UGT1A9: variants seen among roughly 807,000 people sequenced by gnomAD.
The protein encoded by UGT1A9 is UDP-glucuronosyltransferase 1A9.
In UGT1A9, 35 loss-of-function variants were observed where a neutral mutation model predicts 45.0. The observed-to-expected ratio is 0.78, with a 90% CI of 0.59 to 1.03. UGT1A9 has a LOEUF of 1.03. Ranked by LOEUF, UGT1A9 falls within the 50% of genes least tolerant of loss-of-function variation. UGT1A9 has a pLI of 0.00. For synonymous variants in UGT1A9, 278 were observed against 250.6 expected, an observed-to-expected ratio of 1.11 and a Z score of -1.03; for missense variants, 687 against 666.6, an observed-to-expected ratio of 1.03 and a Z score of -0.34.
intron 1 of UGT1A9, among the ~76,000 whole-genome samples, chr2:233,674,071 G>C (rs1203148225): frequency 6.6e-6 from 1 of 152,124 alleles, no homozygotes; most frequent in Non-Finnish European, 1.5e-5. Flanking sequence ...AACACCTAAT[G>C]TCTAATCTCA....
At chr2:233,756,295 G>A (rs1165667347) in intron 1 of UGT1A9, 3 of 152,134 alleles carry the variant, frequency 2.0e-5, no homozygotes, top group East Asian at 3.8e-4. Flanking sequence ...CACAGTATTT[G>A]TATATAACCT....
At chr2:233,711,626 G>A (rs1104892) in intron 1 of UGT1A9, among the ~76,000 whole-genome samples, 87,037 of 152,060 alleles carry the variant, frequency 0.57, 26,823 homozygotes, top group African/African-American at 0.81. Context: ...AGCTCCATTC[G>A]CTGCCTGTCC....
intron 4 of UGT1A9, among the ~76,000 whole-genome samples, chr2:233,771,893 A>G (rs546838054): frequency 6.6e-6 from 1 of 150,952 alleles, no homozygotes; most frequent in Admixed American, 6.6e-5. Flanking sequence ...TCTTAATTAT[A>G]ACCTTTCAGG....
chr2:233,728,342 G>A (rs1241528398), intron 1 of UGT1A9, among the ~76,000 whole-genome samples: 1 of 152,172 alleles, frequency 6.6e-6, no homozygotes, highest in Non-Finnish European at 1.5e-5. Flanking sequence ...CCAGTCCCTT[G>A]GTGAGCAGGA....
intron 1 of UGT1A9, chr2:233,712,908 G>A: frequency 2.5e-6 from 4 of 1,610,644 alleles, no homozygotes; most frequent in Non-Finnish European, 3.4e-6. Flanking sequence ...AGGTGTCTCA[G>A]TGACAAGGTA....
chr2:233,739,790 G>A (rs1360143620), intron 1 of UGT1A9, among the ~76,000 whole-genome samples: 4 of 152,122 alleles, frequency 2.6e-5, no homozygotes, highest in Admixed American at 2.6e-4. Context: ...GACTTTGGAG[G>A]ACAGTTGGGA....
chr2:233,710,781 C>T (rs964572704), intron 1 of UGT1A9, among the ~76,000 whole-genome samples: 1 of 152,148 alleles, frequency 6.6e-6, no homozygotes, highest in Non-Finnish European at 1.5e-5. Flanking sequence ...TTTTAGCAAA[C>T]GTTTTGTGTT....
In UGT1A9 at chr2:233,672,311, GT is replaced by G; in HGVS notation, c.380del (p.Leu127CysfsTer7). ...IFDLFFSNCR[S>X]LFKDKKLVEY... is the part of the protein sequence containing the mutation. The stretch of plus-strand genomic sequence containing the variant: ...GACTTATTTTTTTCAAATTGCAGGA[GT>G]TTGTTTAAAGACAAAAAATTAGTAG... On this transcript the variant is annotated frameshift_variant, in exon 1 of 5. Coordinates refer to ENST00000354728, the MANE Select transcript of UGT1A9 (RefSeq NM_021027.3). LOFTEE classifies it high-confidence loss of function. The G allele has an allele frequency of 1.2e-6, 2 of 1,614,048 alleles. No individual in the cohort carries two copies. Among genetic ancestry groups the G allele is most frequent in the East Asian group, 4.5e-5 (2 of 44,892 alleles).
chr2:233,710,161 T>C (rs2076115073), intron 1 of UGT1A9, among the ~76,000 whole-genome samples: 1 of 152,264 alleles, frequency 6.6e-6, no homozygotes, highest in Non-Finnish European at 1.5e-5. Flanking sequence ...CATTTGCTTA[T>C]GCATTTATTT....
chr2:233,771,755 C>T (rs1253888254), intron 4 of UGT1A9: 1 of 153,306 alleles, frequency 6.5e-6, no homozygotes, highest in South Asian at 2.1e-4. Flanking sequence ...TTTCTCCCTT[C>T]CTTCCTCCGT....
At chr2:233,746,220 C>T (rs753695127) in intron 1 of UGT1A9, among the ~76,000 whole-genome samples, 8 of 151,652 alleles carry the variant, frequency 5.3e-5, no homozygotes, top group African/African-American at 2.0e-4. Context: ...ATAGCAAGGA[C>T]AGATATGCAA....
rs548037824 is a variant in UGT1A9, at chr2:233,759,409, G to A, written c.856-7625G>A. ...ACTCAGAGTAACCGTGTGACCTGTAGTAAGCAAAGGGCCAGTTGGCTCTAT... is the reference window on the plus strand; with the variant it reads ...ACTCAGAGTAACCGTGTGACCTGTAATAAGCAAAGGGCCAGTTGGCTCTAT... On this transcript the variant is annotated intron_variant, in intron 1 of 4. Transcript: ENST00000354728. 7.2e-5 allele frequency among the ~76,000 whole-genome samples: 11 copies of A among 152,280 alleles called. 1 individual carries two copies. The South Asian group carries it at 2.3e-3, about 32-fold the overall frequency.
intron 1 of UGT1A9, chr2:233,743,508 C>T (rs750114193): frequency 5.1e-6 from 7 of 1,367,284 alleles, no homozygotes; most frequent in East Asian, 9.1e-5. Context: ...GGGGTGCAGA[C>T]GCTCTGCTTC....
At chr2:233,740,749 G>A (rs1056795569) in intron 1 of UGT1A9, 15 of 151,730 alleles carry the variant, frequency 9.9e-5, no homozygotes, top group African/African-American at 3.7e-4. Context: ...TTTACACTCT[G>A]AAAACCTTAT....
At chr2:233,752,448 A>G (rs1409153426) in intron 1 of UGT1A9, 1 of 152,234 alleles carries the variant, frequency 6.6e-6, no homozygotes, top group Admixed American at 6.5e-5. Flanking sequence ...ATAAAAGATG[A>G]ATACCCACAT....
intron 1 of UGT1A9, among the ~76,000 whole-genome samples, chr2:233,689,077 C>A (rs1395132958): frequency 5.9e-5 from 9 of 152,220 alleles, no homozygotes; most frequent in Admixed American, 6.5e-5. Flanking sequence ...CATGGCTTAA[C>A]TTAGTGGCCT....
At chr2:233,698,912 G>A (rs1019519579) in intron 1 of UGT1A9, among the ~76,000 whole-genome samples, 1 of 152,230 alleles carries the variant, frequency 6.6e-6, no homozygotes, top group South Asian at 2.1e-4. Context: ...CCCAAGGAGG[G>A]ACGTGGCCGT....
At chr2:233,751,464 G>A (rs575888468) in intron 1 of UGT1A9, among the ~76,000 whole-genome samples, 3 of 152,310 alleles carry the variant, frequency 2.0e-5, no homozygotes, top group East Asian at 1.9e-4. Flanking sequence ...GGGAAGGCAC[G>A]ATTGGTTTTG....
At chr2:233,709,172 T>C (rs2076061956) in intron 1 of UGT1A9, among the ~76,000 whole-genome samples, 1 of 152,170 alleles carries the variant, frequency 6.6e-6, no homozygotes, top group South Asian at 2.1e-4. Flanking sequence ...GGTCACATGT[T>C]CTATCCTGAG....
Sources: allele counts gnomAD v4.1 joint callset (sites outside exome capture counted in the v4.1 genomes callset), GRCh38; gene constraint gnomAD v4.1.1; transcripts MANE v1.5; gene names NCBI Gene and HGNC (gene_info 2026-07-23, HGNC 2026-07-21).